Variants in TMEM135 observed in about 807,000 individuals in gnomAD.
TMEM135 encodes the protein transmembrane protein 135.
In TMEM135, 30 loss-of-function variants were observed where a neutral mutation model predicts 60.3. That is an observed-to-expected ratio of 0.50 (90% confidence interval 0.37 to 0.68). The LOEUF (loss-of-function observed/expected upper bound fraction) is 0.68, where lower values mean the gene tolerates loss of function less well. Among genes scored for constraint, TMEM135 ranks in the 30% least tolerant of loss-of-function variants. TMEM135 has a pLI of 0.00. For synonymous variants in TMEM135, 190 were observed against 186.7 expected (o/e 1.02, Z -0.14); for missense variants, 468 against 548.8 (o/e 0.85, Z 1.47).
chr11:87,068,795 A>G (rs1052850332), intron 2 of TMEM135, among the ~76,000 whole-genome samples: 1 of 134,956 alleles, frequency 7.4e-6, no homozygotes, highest in African/African-American at 2.9e-5. Flanking sequence ...TGGGGGACAG[A>G]GTCAGACTGT....
intron 5 of TMEM135, among the ~76,000 whole-genome samples, chr11:87,162,535 T>G (rs1938908432): frequency 6.9e-6 from 1 of 143,960 alleles, no homozygotes; most frequent in African/African-American, 2.6e-5. Flanking sequence ...TCTGTGTCCC[T>G]GCAAAGGACA....
At chr11:87,086,399 A>G (rs982842231) in intron 3 of TMEM135, among the ~76,000 whole-genome samples, 1 of 151,792 alleles carries the variant, frequency 6.6e-6, no homozygotes, top group African/African-American at 2.4e-5. Context: ...GCTTGTACCC[A>G]TGTTTGGCAG....
chr11:87,175,958 C>T (rs1316923106), intron 5 of TMEM135, among the ~76,000 whole-genome samples: 1 of 152,136 alleles, frequency 6.6e-6, no homozygotes, highest in Non-Finnish European at 1.5e-5. Flanking sequence ...TTTGAATTAG[C>T]AAATAAATTT....
intron 1 of TMEM135, among the ~76,000 whole-genome samples, chr11:87,057,867 T>C (rs1032323935): frequency 1.3e-5 from 2 of 151,952 alleles, no homozygotes; most frequent in African/African-American, 4.8e-5. Flanking sequence ...GGAGGCTTAA[T>C]AAATGCCAAG....
rs1279745382 is a variant in TMEM135, at chr11:87,269,529, T to C, written c.510-26253T>C. ...CCCCACAACAGTCCCCAGAGTGTAA[T>C]GTTCCCCTTCCTGTGTCCATGTGTT... is the stretch of plus-strand genomic sequence containing the variant. On this transcript the variant is annotated intron_variant, in intron 6 of 14. Transcript: ENST00000305494. Among the ~76,000 whole-genome samples the C allele has an allele frequency of 4.0e-5, 6 of 150,408 alleles. No homozygotes were observed. The South Asian group carries it at 1.1e-3, about 27-fold the overall frequency.
intron 6 of TMEM135, among the ~76,000 whole-genome samples, chr11:87,252,140 C>T (rs1325496905): frequency 1.3e-5 from 2 of 151,992 alleles, no homozygotes; most frequent in South Asian, 2.1e-4. Context: ...CCCTTCCTAC[C>T]CTCCTTCTCT....
intron 4 of TMEM135, among the ~76,000 whole-genome samples, chr11:87,142,855 CT>C (rs1472475338): frequency 6.6e-6 from 1 of 151,424 alleles, no homozygotes; most frequent in African/African-American, 2.4e-5. Context: ...TTTTCTTCCT[CT>C]TTTTTTCTTC....
At chr11:87,273,537 A>G (rs1941910997) in intron 6 of TMEM135, among the ~76,000 whole-genome samples, 1 of 152,168 alleles carries the variant, frequency 6.6e-6, no homozygotes, top group South Asian at 2.1e-4. Flanking sequence ...TGCTCACAAA[A>G]TGAAAATCAT....
chr11:87,178,037 G>A (rs187602870), intron 5 of TMEM135, among the ~76,000 whole-genome samples: 1 of 152,274 alleles, frequency 6.6e-6, no homozygotes, highest in Admixed American at 6.5e-5. Flanking sequence ...ATGTCAGTGT[G>A]TCCACCAAGC....
intron 4 of TMEM135, among the ~76,000 whole-genome samples, chr11:87,098,522 T>A (rs1857381653): frequency 6.6e-6 from 1 of 152,106 alleles, no homozygotes; most frequent in Non-Finnish European, 1.5e-5. Flanking sequence ...CAGCTCATGG[T>A]GTTGTAATCA....
chr11:87,287,474 C>G (rs1161493789), intron 6 of TMEM135, among the ~76,000 whole-genome samples: 1 of 152,076 alleles, frequency 6.6e-6, no homozygotes, highest in Non-Finnish European at 1.5e-5. Context: ...GTCAAGAGAT[C>G]AAGACCATCC....
intron 4 of TMEM135, among the ~76,000 whole-genome samples, chr11:87,156,941 C>A (rs916798083): frequency 6.6e-6 from 1 of 152,068 alleles, no homozygotes; most frequent in Non-Finnish European, 1.5e-5. Flanking sequence ...CCATTTGAAA[C>A]AATTAAGTTT....
chr11:87,047,509 G>T (rs568419195), intron 1 of TMEM135, among the ~76,000 whole-genome samples: 2 of 150,682 alleles, frequency 1.3e-5, no homozygotes, highest in Non-Finnish European at 2.9e-5. Flanking sequence ...CCTGGGAAGC[G>T]CAAGGGGTCA....
intron 5 of TMEM135, among the ~76,000 whole-genome samples, chr11:87,174,987 C>G (rs1041325048): frequency 2.0e-5 from 3 of 152,022 alleles, no homozygotes; most frequent in African/African-American, 7.2e-5. Flanking sequence ...TCATCACTTT[C>G]AGGGTGATAA....
intron 5 of TMEM135, among the ~76,000 whole-genome samples, chr11:87,181,286 A>G (rs1206756353): frequency 2.0e-5 from 3 of 152,004 alleles, no homozygotes; most frequent in East Asian, 1.9e-4. Context: ...TATCTGAACA[A>G]TAAAGATAAA....
chr11:87,099,682 G>GTTTTTTTTTTTTTTTT (rs57019125), intron 4 of TMEM135, among the ~76,000 whole-genome samples: 2 of 109,386 alleles, frequency 1.8e-5, no homozygotes, highest in Non-Finnish European at 3.7e-5. Context: ...TTTCATGGTG[G>GTTTTTTTTTTTTTTTT]TTTTTTTTTT....
chr11:87,090,751 A>G (rs1857188400), intron 3 of TMEM135, among the ~76,000 whole-genome samples: 1 of 152,150 alleles, frequency 6.6e-6, no homozygotes, highest in Non-Finnish European at 1.5e-5. Flanking sequence ...TTTATTAAAT[A>G]AGTTTGGTAA....
At chr11:87,066,202 T>G (rs1347657902) in intron 1 of TMEM135, among the ~76,000 whole-genome samples, 1 of 152,208 alleles carries the variant, frequency 6.6e-6, no homozygotes, top group Non-Finnish European at 1.5e-5. Flanking sequence ...TTTCTCTTTC[T>G]TACACCCTCT....
chr11:87,107,259 A>G (rs901877962), intron 4 of TMEM135, among the ~76,000 whole-genome samples: 1 of 152,014 alleles, frequency 6.6e-6, no homozygotes, highest in African/African-American at 2.4e-5. Flanking sequence ...TTGGCATATA[A>G]TTATTCATAG....
Sources: gnomAD v4.1 joint callset for allele counts (sites outside exome capture counted in the v4.1 genomes callset) on GRCh38, gnomAD v4.1.1 for gene constraint, MANE v1.5 for transcripts, NCBI Gene and HGNC (gene_info 2026-07-23, HGNC 2026-07-21) for gene names.